DGKI: variants seen among roughly 807,000 people sequenced by gnomAD.
The protein encoded by DGKI is diacylglycerol kinase iota.
In DGKI, 55 loss-of-function variants were observed where a neutral mutation model predicts 147.5. That is an observed-to-expected ratio of 0.37 (90% confidence interval 0.30 to 0.47). The LOEUF (loss-of-function observed/expected upper bound fraction) is 0.47. DGKI is among the 20% of genes least tolerant of loss of function. The probability of loss-of-function intolerance (pLI) is 1.00; values close to 1 mark genes in which losing one functional copy is unlikely to be tolerated. For missense variants in DGKI, 1,007 were observed against 1,323.8 expected (o/e 0.76, Z 3.71); for synonymous variants, 469 against 477.1 (o/e 0.98, Z 0.22).
intron 2 of DGKI, among the ~76,000 whole-genome samples, chr7:137,679,521 G>A (rs1585362840): frequency 6.6e-6 from 1 of 152,030 alleles, no homozygotes; most frequent in African/African-American, 2.4e-5. Context: ...TTGCTTAAAA[G>A]GAGCTCTGAG....
chr7:137,653,393 C>T (rs1282285136), intron 5 of DGKI, among the ~76,000 whole-genome samples: 1 of 152,216 alleles, frequency 6.6e-6, no homozygotes, highest in Non-Finnish European at 1.5e-5. Flanking sequence ...CAATATTTGG[C>T]TTAAAGTAGT....
At chr7:137,541,490 T>C (rs1223883353) in intron 20 of DGKI, among the ~76,000 whole-genome samples, 1 of 152,174 alleles carries the variant, frequency 6.6e-6, no homozygotes, top group African/African-American at 2.4e-5. Context: ...TTAAAATACA[T>C]GAAAGTATGT....
chr7:137,766,054 C>T (rs1159340290), intron 1 of DGKI, among the ~76,000 whole-genome samples: 1 of 152,168 alleles, frequency 6.6e-6, no homozygotes, highest in Non-Finnish European at 1.5e-5. Flanking sequence ...TGCCTGAAAC[C>T]AGCTCTCAGC....
chr7:137,531,371 A>G (rs781420300), intron 20 of DGKI, among the ~76,000 whole-genome samples: 32 of 152,208 alleles, frequency 2.1e-4, no homozygotes, highest in Non-Finnish European at 2.4e-4. Flanking sequence ...TAAAGATTCT[A>G]TCACAAAACA....
chr7:137,708,520 T>A (rs1022214790), intron 1 of DGKI, among the ~76,000 whole-genome samples: 4 of 152,214 alleles, frequency 2.6e-5, no homozygotes, highest in East Asian at 1.9e-4. Flanking sequence ...AATTCTAAGA[T>A]AACAGGAAAC....
At chr7:137,449,757 A>G (rs1813877385) in intron 27 of DGKI, among the ~76,000 whole-genome samples, 1 of 152,240 alleles carries the variant, frequency 6.6e-6, no homozygotes, top group Admixed American at 6.5e-5. Context: ...CATATGATTC[A>G]GCAATCATAA....
At chr7:137,745,849 G>A (rs1420917678) in intron 1 of DGKI, among the ~76,000 whole-genome samples, 1 of 152,156 alleles carries the variant, frequency 6.6e-6, no homozygotes, top group East Asian at 1.9e-4. Flanking sequence ...AAAACGTGAA[G>A]AAGGAAAAAT....
At chr7:137,825,447 T>C (rs890132809) in intron 1 of DGKI, among the ~76,000 whole-genome samples, 4 of 152,264 alleles carry the variant, frequency 2.6e-5, no homozygotes, top group South Asian at 2.1e-4. Context: ...AAATTTACAA[T>C]GTGCACACAT....
At chr7:137,737,056 T>C (rs1795042856) in intron 1 of DGKI, among the ~76,000 whole-genome samples, 3 of 151,976 alleles carry the variant, frequency 2.0e-5, no homozygotes, top group Admixed American at 1.3e-4. Flanking sequence ...GGAAAACTAT[T>C]AAAGCTAAAC....
chr7:137,798,508 A>G (rs1160544789), intron 1 of DGKI, among the ~76,000 whole-genome samples: 1 of 152,116 alleles, frequency 6.6e-6, no homozygotes, highest in Non-Finnish European at 1.5e-5. Flanking sequence ...TACAGCCTCA[A>G]CTTCCTGGGC....
At chr7:137,793,671 A>C (rs1796937939) in intron 1 of DGKI, among the ~76,000 whole-genome samples, 1 of 152,078 alleles carries the variant, frequency 6.6e-6, no homozygotes, top group Non-Finnish European at 1.5e-5. Flanking sequence ...ACTTATATAA[A>C]ACATTAAAAT....
intron 21 of DGKI, among the ~76,000 whole-genome samples, chr7:137,507,874 ACT>A (rs1816422194): frequency 6.6e-6 from 1 of 152,076 alleles, no homozygotes; most frequent in Non-Finnish European, 1.5e-5. Flanking sequence ...AAGACCAGAC[ACT>A]CTTCCACGAG....
At position 137,623,473 on chromosome 7, in the gene DGKI, C is replaced by G; in HGVS notation, c.876+10G>C. 6.2e-7 allele frequency: 1 copy of G among 1,613,028 alleles called. No individual in the cohort carries two copies. The highest frequency in any genetic ancestry group is 8.5e-7 in the Non-Finnish European group (1 of 1,179,074). ...TGAGCCCACATTGCTTTATTTCATC[C>G]CAATCTTACCGCCTGCTTGCACCAG... On this transcript the variant is annotated intron_variant, in intron 7 of 32. Transcript: ENST00000614521.
At chr7:137,722,911 A>C (rs1242046894) in intron 1 of DGKI, 1 of 688,962 alleles carries the variant, frequency 1.5e-6, no homozygotes, top group African/African-American at 1.8e-5. Flanking sequence ...AAAGTATAGC[A>C]TAGTGAGTGG....
At chr7:137,741,451 G>A (rs368400398) in intron 1 of DGKI, among the ~76,000 whole-genome samples, 2 of 152,200 alleles carry the variant, frequency 1.3e-5, no homozygotes, top group Non-Finnish European at 2.9e-5. Context: ...ATCCCACAAG[G>A]TTCCTTCTGG....
At chr7:137,708,582 CT>C (rs2116552114) in intron 1 of DGKI, among the ~76,000 whole-genome samples, 1 of 152,290 alleles carries the variant, frequency 6.6e-6, no homozygotes, top group African/African-American at 2.4e-5. Context: ...TAGAATCAGA[CT>C]TTTAGACATT....
rs551700462 is a variant in DGKI at position 137,393,503 on chromosome 7, A to G, written c.3057+2095T>C. The stretch of plus-strand genomic sequence containing the variant: ...GCCCTGGCAAGACCAACCCTACCCC[A>G]TAACCTGGCTCCATTAATCCTGAAT... On this transcript the variant is annotated intron_variant, in intron 32 of 32. Coordinates refer to ENST00000614521, the MANE Select transcript of DGKI (RefSeq NM_001321708.2). Among the ~76,000 whole-genome samples, 273 of 152,302 alleles carry G rather than the reference A, an allele frequency of 1.8e-3. 6 individuals carry two copies. The South Asian group carries it at 0.056, about 31-fold the overall frequency.
At chr7:137,718,734 C>A (rs1328683546) in intron 1 of DGKI, among the ~76,000 whole-genome samples, 1 of 152,178 alleles carries the variant, frequency 6.6e-6, no homozygotes, top group African/African-American at 2.4e-5. Flanking sequence ...ACTAGCAGGT[C>A]TCTCAGTCCT....
intron 2 of DGKI, among the ~76,000 whole-genome samples, chr7:137,682,958 T>C (rs1823291104): frequency 6.6e-6 from 1 of 152,206 alleles, no homozygotes; most frequent in South Asian, 2.1e-4. Context: ...TGAGACACTC[T>C]CTTGTATTAA....
Sources: gnomAD v4.1 joint callset for allele counts (sites outside exome capture counted in the v4.1 genomes callset) on GRCh38, gnomAD v4.1.1 for gene constraint, MANE v1.5 for transcripts, NCBI Gene and HGNC (gene_info 2026-07-23, HGNC 2026-07-21) for gene names.